NSD2: variants seen among roughly 807,000 people sequenced by gnomAD.
The protein encoded by NSD2 is histone-lysine N-methyltransferase NSD2.
NSD2 carries 12 observed loss-of-function variants against 139.0 expected under a neutral mutation model. That is an observed-to-expected ratio of 0.09 (90% CI 0.06 to 0.14). The LOEUF is 0.14. NSD2 is among the 10% of genes least tolerant of loss of function. NSD2 has a pLI of 1.00. For missense variants in NSD2, 1,155 were observed against 1,745.0 expected, an observed-to-expected ratio of 0.66 and a Z score of 6.02; for synonymous variants, 669 against 648.7, an observed-to-expected ratio of 1.03 and a Z score of -0.48.
rs1398214715 is a variant in NSD2, at chr4:1,951,166, A to G, written c.1976A>G (p.Glu659Gly). 2 of 1,614,082 alleles carry G rather than the reference A, an allele frequency of 1.2e-6. No individual in the cohort carries two copies. The highest frequency in any genetic ancestry group is 2.7e-5 in the African/African-American group (2 of 74,930). The stretch of plus-strand genomic sequence containing the variant: ...GTATCTGTCTCATCCAAAAAGTCTG[A>G]GCGAGGAGTGACTGCCAAAAAGGAG... Reference protein sequence around the residue: ...TEVSVSSKKSERGVTAKKEYV... With the variant: ...TEVSVSSKKSGRGVTAKKEYV... The change falls in exon 10 of 22, where the codon GAG becomes GGG. Residue 659 changes from glutamate to glycine, a missense_variant. Glu to Gly is a moderately conservative substitution (Grantham distance 98, BLOSUM62 -2). This residue lies in a region of NSD2 where 420 missense variants were observed against 469.0 expected (regional missense o/e 0.90). Coordinates refer to ENST00000508803, the MANE Select transcript of NSD2 (RefSeq NM_001042424.3).
Position 1,918,290 on chromosome 4 carries a change from A to T in NSD2, c.1077A>T (p.Val359=). 6.2e-7 allele frequency: 1 copy of T among 1,614,076 alleles called. No homozygotes were observed. The highest frequency in any genetic ancestry group is 1.7e-5 in the Admixed American group (1 of 59,996). The change falls in exon 5 of 22, where the codon GTA becomes GTT. Residue 359 remains valine, a synonymous_variant. Coordinates refer to ENST00000508803, the MANE Select transcript of NSD2 (RefSeq NM_001042424.3). ...VGDQLHLNPQ[V]AKEAGIAAES... ...ACCAGCTTCATCTCAACCCTCAAGT[A>T]GCCAAGGAGGCTGGCATTGCTGCAG...
At chr4:1,940,377 G>C in intron 9 of NSD2, 14 of 1,064,394 alleles carry the variant, frequency 1.3e-5, no homozygotes, top group Non-Finnish European at 1.5e-5. Flanking sequence ...CAGAGTACAT[G>C]ATAGCAAAAT....
intron 1 of NSD2, among the ~76,000 whole-genome samples, chr4:1,890,056 A>G (rs955910708): frequency 2.6e-5 from 4 of 152,136 alleles, no homozygotes; most frequent in African/African-American, 9.7e-5. Flanking sequence ...TATTTTAGAC[A>G]TTTTACATAA....
intron 11 of NSD2, chr4:1,952,683 A>C (rs1724399390): frequency 9.5e-7 from 1 of 1,056,130 alleles, no homozygotes; most frequent in South Asian, 3.6e-5. Flanking sequence ...CAGTTTCAAC[A>C]GAAAGAACAG....
In NSD2 at chr4:1,973,546, TTTA is replaced by T. The variant is rs538333033; in HGVS notation, c.3373-1311_3373-1309del. Among the ~76,000 whole-genome samples the T allele has an allele frequency of 1.5e-3, 231 of 152,308 alleles. 2 individuals are homozygous for T. Among genetic ancestry groups the T allele is most frequent in the Admixed American group, 2.7e-3 (41 of 15,298 alleles). On this transcript the variant is annotated intron_variant, in intron 18 of 21. Transcript: ENST00000508803. The surrounding 1 kb of genome is among the most constrained non-coding windows in gnomAD (Gnocchi z 5.5). ...TGGCACTCTGGGTTGATTAGTGCATTTTATTATTGTGAAAAGCATCTTGCAGAG... is the reference window on the plus strand; with the variant it reads ...TGGCACTCTGGGTTGATTAGTGCATTTTATTGTGAAAAGCATCTTGCAGAG...
At chr4:1,949,547 G>C (rs558418848) in intron 9 of NSD2, among the ~76,000 whole-genome samples, 1 of 152,260 alleles carries the variant, frequency 6.6e-6, no homozygotes, top group South Asian at 2.1e-4. Flanking sequence ...TGGATCACGA[G>C]GTCAGGAGTT....
At chr4:1,921,630 A>G (rs1040110508) in intron 5 of NSD2, among the ~76,000 whole-genome samples, 4 of 151,528 alleles carry the variant, frequency 2.6e-5, no homozygotes, top group Non-Finnish European at 4.4e-5. Context: ...AAAAATACAA[A>G]ATTTTACCAG....
chr4:1,975,631 G>T (rs896994859), intron 20 of NSD2: 4 of 513,898 alleles, frequency 7.8e-6, no homozygotes, highest in Admixed American at 3.3e-5. Flanking sequence ...CCTCACAGAC[G>T]CGTGGTTTCG....
At chr4:1,911,339 G>C (rs2108780635) in intron 3 of NSD2, among the ~76,000 whole-genome samples, 1 of 152,184 alleles carries the variant, frequency 6.6e-6, no homozygotes, top group Middle Eastern at 3.4e-3. Context: ...TATAATCCCA[G>C]CACTTTGGGA....
At chr4:1,907,470 C>CT (rs34192394) in intron 3 of NSD2, among the ~76,000 whole-genome samples, 7 of 151,840 alleles carry the variant, frequency 4.6e-5, no homozygotes, top group African/African-American at 1.7e-4. Flanking sequence ...TGGATTCTAG[C>CT]TTTTTTTGTG....
At position 1,959,545 on chromosome 4, in the gene NSD2, C is replaced by A. The variant is rs1201768680; in HGVS notation, c.3060C>A (p.Pro1020=). 1.2e-6 allele frequency: 2 copies of A among 1,614,186 alleles called. No homozygotes were observed. The highest frequency in any genetic ancestry group is 8.5e-7 in the Non-Finnish European group (1 of 1,180,036). The change falls in exon 17 of 22, where the codon CCC becomes CCA. Residue 1020 remains proline, a synonymous_variant. Coordinates refer to ENST00000508803, the MANE Select transcript of NSD2 (RefSeq NM_001042424.3). The part of the protein sequence containing the change: ...ISEIPKCNCK[P]TDENPCGFDS... ...AAATCCCTAAGTGCAACTGCAAGCC[C>A]ACAGATGAGAATCCTTGTGGCTTTG...
chr4:1,877,075 T>C (rs970669175), intron 1 of NSD2, among the ~76,000 whole-genome samples: 4 of 151,746 alleles, frequency 2.6e-5, no homozygotes, highest in African/African-American at 9.7e-5. Flanking sequence ...AGGCAGAGGT[T>C]GAAATGAGCC....
chr4:1,957,774 ATACCTGCC>A (rs1360839239), intron 15 of NSD2, among the ~76,000 whole-genome samples, 151 bp from the exon 16 acceptor site: 1 of 152,196 alleles, frequency 6.6e-6, no homozygotes, highest in East Asian at 1.9e-4. Flanking sequence ...GCATTTAAAA[ATACCTGCC>A]CACTGACAGT....
At chr4:1,943,754 TG>T in intron 9 of NSD2, 1 of 1,057,276 alleles carries the variant, frequency 9.5e-7, no homozygotes, top group East Asian at 5.2e-5. Flanking sequence ...AATTTAAAGA[TG>T]GGGAAAAAAA....
intron 5 of NSD2, among the ~76,000 whole-genome samples, chr4:1,922,515 T>G (rs1341898443): frequency 6.6e-6 from 1 of 152,250 alleles, no homozygotes; most frequent in East Asian, 1.9e-4. Context: ...ATAATTCTAA[T>G]AAAACTTCCA....
At position 1,958,559 on chromosome 4, in the gene NSD2, G is replaced by A. The variant is rs1205642465; in HGVS notation, c.2985+523G>A. Among the ~76,000 whole-genome samples the A allele has an allele frequency of 2.0e-5, 3 of 152,260 alleles. No homozygotes were observed. Among genetic ancestry groups the A allele is most frequent in the African/African-American group, 7.2e-5 (3 of 41,476 alleles). On this transcript the variant is annotated intron_variant, in intron 16 of 21. Coordinates refer to ENST00000508803, the MANE Select transcript of NSD2 (RefSeq NM_001042424.3). This position sits in a 1 kb window ranked among gnomAD's most constrained non-coding sequence, Gnocchi z 4.6. ...CTCCAGGCCCCTCAGGGCTGCCTGC[G>A]CTCAGAGCTGGTGCGGCAAGCCGCA...
Position 1,979,014 on chromosome 4 carries a change from C to G in NSD2, c.*105C>G. 3.6e-6 allele frequency: 5 copies of G among 1,391,704 alleles called. No individual in the cohort carries two copies. Among genetic ancestry groups the G allele is most frequent in the Non-Finnish European group, 4.7e-6 (5 of 1,062,306 alleles). 86.2% of individuals were successfully genotyped at this position (1,391,704 alleles called of 1,614,324 possible). ...GGCCCGGAGGACCCAGCTCGAGCCG[C>G]CAGGACACAGACGTACAGGCCTCCT... On this transcript the variant is annotated 3_prime_UTR_variant, in exon 22 of 22. Coordinates refer to ENST00000508803, the MANE Select transcript of NSD2 (RefSeq NM_001042424.3).
intron 9 of NSD2, chr4:1,946,599 G>A (rs150819100): frequency 6.7e-5 from 69 of 1,026,656 alleles, no homozygotes; most frequent in South Asian, 6.5e-4. Flanking sequence ...GAAATATTCT[G>A]ATTCATATTT....
chr4:1,922,386 GT>G (rs1247817851), intron 5 of NSD2, among the ~76,000 whole-genome samples: 1 of 152,218 alleles, frequency 6.6e-6, no homozygotes, highest in African/African-American at 2.4e-5. Flanking sequence ...AAATATGCAT[GT>G]AACTTTAGAG....
Sources: allele counts gnomAD v4.1 joint callset (sites outside exome capture counted in the v4.1 genomes callset), GRCh38; gene constraint gnomAD v4.1.1; regional missense constraint gnomAD v4.1.1; non-coding constraint Gnocchi (gnomAD v3.1); transcripts MANE v1.5; gene names NCBI Gene and HGNC (gene_info 2026-07-23, HGNC 2026-07-21).